LRRC7: variants seen among roughly 807,000 people sequenced by gnomAD.
The protein encoded by LRRC7 is leucine rich repeat containing 7, also known as leucine-rich repeat-containing protein 7.
Under a neutral mutation model 175.7 loss-of-function variants are expected in LRRC7, and 23 were observed. The ratio of observed to expected loss-of-function variants is 0.13; its 90% CI spans 0.09 to 0.19. The LOEUF (loss-of-function observed/expected upper bound fraction) is 0.19. Among genes scored for constraint, LRRC7 ranks in the 10% least tolerant of loss-of-function variants. The probability of loss-of-function intolerance (pLI) is 1.00; values close to 1 mark genes in which losing one functional copy is unlikely to be tolerated. For missense variants in LRRC7, 1,354 were observed against 1,904.7 expected (o/e 0.71, Z 5.38); for synonymous variants, 685 against 680.9 (o/e 1.01, Z -0.09).
intron 2 of LRRC7, among the ~76,000 whole-genome samples, chr1:69,710,198 G>A (rs1466721504): frequency 1.4e-5 from 2 of 141,316 alleles, no homozygotes; most frequent in Admixed American, 7.8e-5. Flanking sequence ...AGAATCACTT[G>A]AACCCTGGAG....
intron 1 of LRRC7, among the ~76,000 whole-genome samples, chr1:69,642,689 C>A (rs539149576): frequency 6.6e-5 from 10 of 151,922 alleles, no homozygotes; most frequent in Non-Finnish European, 1.0e-4. Context: ...ATATGGCTGA[C>A]AACATGAAAA....
At chr1:69,764,758 T>C (rs1459030876) in intron 3 of LRRC7, among the ~76,000 whole-genome samples, 6 of 147,492 alleles carry the variant, frequency 4.1e-5, no homozygotes, top group Middle Eastern at 3.4e-3. Flanking sequence ...GATAGATAGA[T>C]AGATAGATAG....
intron 3 of LRRC7, among the ~76,000 whole-genome samples, chr1:69,783,864 A>C (rs1312834192): frequency 6.6e-6 from 1 of 152,136 alleles, no homozygotes; most frequent in African/African-American, 2.4e-5. Flanking sequence ...AGATAGGTCC[A>C]ATCAAAGCAT....
At chr1:69,818,609 G>T (rs140246975) in intron 4 of LRRC7, among the ~76,000 whole-genome samples, 1 of 152,132 alleles carries the variant, frequency 6.6e-6, no homozygotes, top group African/African-American at 2.4e-5. Flanking sequence ...TTGGTGTCAA[G>T]GTAATGCTAG....
At chr1:69,829,192 T>G (rs1274244868) in intron 5 of LRRC7, among the ~76,000 whole-genome samples, 1 of 151,902 alleles carries the variant, frequency 6.6e-6, no homozygotes, top group Non-Finnish European at 1.5e-5. Flanking sequence ...GGAAATCAAC[T>G]ATTTCAAATT....
Position 69,994,648 on chromosome 1 carries a change from T to C in LRRC7, c.1004+15T>C, listed in dbSNP as rs751538469. ...ACAATTGGAAAGTAAGTGCCAACTT[T>C]TCATTCCAGTCTGCCTCTCAAAAGC... is the stretch of plus-strand genomic sequence containing the variant. On this transcript the variant is annotated intron_variant, in intron 11 of 26. Coordinates refer to ENST00000651989, the MANE Select transcript of LRRC7 (RefSeq NM_001370785.2). 3 of 1,580,226 alleles carry C rather than the reference T, an allele frequency of 1.9e-6. No individual in the cohort carries two copies. The South Asian group carries it at 3.3e-5, about 18-fold the overall frequency.
chr1:69,949,904 C>T (rs575276959), intron 8 of LRRC7, among the ~76,000 whole-genome samples: 4 of 152,110 alleles, frequency 2.6e-5, no homozygotes, highest in East Asian at 3.9e-4. Flanking sequence ...TTATCACAGG[C>T]GATTGACACT....
At chr1:70,048,800 A>G (rs1253993595) in intron 22 of LRRC7, among the ~76,000 whole-genome samples, 2 of 152,092 alleles carry the variant, frequency 1.3e-5, no homozygotes, top group Non-Finnish European at 2.9e-5. Flanking sequence ...CTGAGCACTC[A>G]GTATCACCAA....
intron 3 of LRRC7, among the ~76,000 whole-genome samples, chr1:69,788,099 G>T (rs981065486): frequency 6.6e-6 from 1 of 151,740 alleles, no homozygotes; most frequent in Non-Finnish European, 1.5e-5. Context: ...TTTTTTTCTA[G>T]TTCACTCACT....
Position 70,123,983 on chromosome 1 carries a change from C to G in LRRC7, c.*2096C>G, listed in dbSNP as rs768670470. Among the ~76,000 whole-genome samples the G allele has an allele frequency of 2.0e-5, 3 of 152,134 alleles. No homozygotes were observed. The highest frequency in any genetic ancestry group is 4.4e-5 in the Non-Finnish European group (3 of 68,022). On this transcript the variant is annotated 3_prime_UTR_variant, in exon 27 of 27. Transcript: ENST00000651989. ...TTTTTCTTATGGTTTCTATATCAAA[C>G]CCAGGGCTTCAGGAGATCCTTCTAA... is the stretch of plus-strand genomic sequence containing the variant.
At chr1:69,868,863 T>A (rs1298443818) in intron 7 of LRRC7, among the ~76,000 whole-genome samples, 5 of 151,880 alleles carry the variant, frequency 3.3e-5, no homozygotes, top group African/African-American at 1.2e-4. Flanking sequence ...TGTCTTTACA[T>A]GATTTCTCTC....
At chr1:70,060,892 C>T (rs1432042187) in intron 23 of LRRC7, among the ~76,000 whole-genome samples, 1 of 152,084 alleles carries the variant, frequency 6.6e-6, no homozygotes, top group Non-Finnish European at 1.5e-5. Context: ...TTGCCTTAGG[C>T]TTTGTATTTT....
chr1:69,773,639 G>A (rs1000371127), intron 3 of LRRC7, among the ~76,000 whole-genome samples: 1 of 152,092 alleles, frequency 6.6e-6, no homozygotes, highest in Non-Finnish European at 1.5e-5. Context: ...TCCTTTATTG[G>A]CTTATATGCC....
intron 3 of LRRC7, among the ~76,000 whole-genome samples, chr1:69,761,222 G>A (rs187353181): frequency 8.6e-5 from 13 of 151,950 alleles, no homozygotes; most frequent in South Asian, 6.2e-4. Flanking sequence ...GGATTTATAC[G>A]GCTGAGAAGG....
chr1:69,960,080 A>C (rs1650894452), intron 8 of LRRC7, among the ~76,000 whole-genome samples: 1 of 151,956 alleles, frequency 6.6e-6, no homozygotes, highest in Non-Finnish European at 1.5e-5. Context: ...TTCTTTGTAC[A>C]TGTGGTAGAA....
chr1:69,753,881 G>C (rs1260134502), intron 2 of LRRC7, among the ~76,000 whole-genome samples: 1 of 152,020 alleles, frequency 6.6e-6, no homozygotes, highest in Non-Finnish European at 1.5e-5. Context: ...TTGATGAACA[G>C]AAAGAAGTCA....
intron 4 of LRRC7, among the ~76,000 whole-genome samples, chr1:69,800,471 T>C (rs993894706): frequency 1.3e-5 from 2 of 152,002 alleles, no homozygotes; most frequent in Non-Finnish European, 2.9e-5. Context: ...CATGGTTAAA[T>C]AGATCCCAAG....
In LRRC7 at chr1:70,132,855, A is replaced by G. The variant is rs1349452244; in HGVS notation, c.*10968A>G. Among the ~76,000 whole-genome samples the G allele has an allele frequency of 3.3e-5, 5 of 152,174 alleles. No individual in the cohort carries two copies. Among genetic ancestry groups the G allele is most frequent in the South Asian group, 2.1e-4 (1 of 4,826 alleles). The stretch of plus-strand genomic sequence containing the variant: ...GAGAAAGGAGCAAAATTATTGTCCT[A>G]TCATAAGACAGAAAGGGACCTTGAG... On this transcript the variant is annotated 3_prime_UTR_variant, in exon 27 of 27. Transcript: ENST00000651989.
At chr1:69,681,220 A>G (rs2100614524) in intron 2 of LRRC7, among the ~76,000 whole-genome samples, 1 of 136,854 alleles carries the variant, frequency 7.3e-6, no homozygotes, top group African/African-American at 2.7e-5. Flanking sequence ...CAGATTCAGT[A>G]TAGATCTACA....
Sources: allele counts gnomAD v4.1 joint callset (sites outside exome capture counted in the v4.1 genomes callset), GRCh38; gene constraint gnomAD v4.1.1; transcripts MANE v1.5; gene names NCBI Gene and HGNC (gene_info 2026-07-23, HGNC 2026-07-21).